Variants in SVIL observed in about 807,000 individuals in gnomAD.
SVIL encodes the protein supervillin, also known as archvillin.
SVIL carries 101 observed loss-of-function variants against 240.4 expected under a neutral mutation model. That is an observed-to-expected ratio of 0.42 (90% CI 0.36 to 0.50). SVIL has a LOEUF of 0.50. Ranked by LOEUF, SVIL falls within the 20% of genes least tolerant of loss-of-function variation. The probability of loss-of-function intolerance (pLI) is 0.01; values close to 1 mark genes in which losing one functional copy is unlikely to be tolerated. For missense variants in SVIL, 2,512 were observed against 2,818.7 expected (o/e 0.89, Z 2.46); for synonymous variants, 999 against 1,100.0 (o/e 0.91, Z 1.82).
At chr10:29,696,458 G>T (rs1386982953) in intron 1 of SVIL, among the ~76,000 whole-genome samples, 2 of 150,986 alleles carry the variant, frequency 1.3e-5, no homozygotes, top group African/African-American at 2.4e-5. Flanking sequence ...GCCCAGTCTG[G>T]AAAGTGAGGA....
chr10:29,560,758 C>A (rs564860313), intron 3 of SVIL, among the ~76,000 whole-genome samples: 1 of 151,762 alleles, frequency 6.6e-6, no homozygotes, highest in Admixed American at 6.6e-5. Context: ...TCCAAATCTG[C>A]CTATTTTTTT....
intron 29 of SVIL, among the ~76,000 whole-genome samples, chr10:29,474,720 T>C (rs1946001404): frequency 6.6e-6 from 1 of 152,160 alleles, no homozygotes; most frequent in African/African-American, 2.4e-5. Context: ...CACCACTCTT[T>C]GGCAAAAGAA....
At chr10:29,545,906 T>C (rs1337321551) in intron 6 of SVIL, among the ~76,000 whole-genome samples, 4 of 112,724 alleles carry the variant, frequency 3.5e-5, no homozygotes, top group Non-Finnish European at 5.7e-5. Flanking sequence ...AGAAAGAAAA[T>C]GAGGTCTACC....
intron 17 of SVIL, among the ~76,000 whole-genome samples, chr10:29,509,341 G>GAGAGAA (rs1187228819): frequency 1.0e-4 from 7 of 67,164 alleles, no homozygotes; most frequent in Non-Finnish European, 3.3e-5. Flanking sequence ...GAGAGAGAGA[G>GAGAGAA]AGAGAGAGAG....
chr10:29,645,809 C>T (rs1459572543), intron 3 of SVIL, among the ~76,000 whole-genome samples: 2 of 152,170 alleles, frequency 1.3e-5, no homozygotes, highest in African/African-American at 4.8e-5. Flanking sequence ...TTAGCAAGTA[C>T]AAGTAATTCC....
chr10:29,551,191 T>C lies in SVIL; in HGVS notation c.233A>G (p.Glu78Gly). Residue 78 changes from glutamate to glycine, a missense_variant, in exon 6 of 38, where the codon GAA (glutamate) becomes GGA (glycine). This residue lies in a region of SVIL where 1,443 missense variants were observed against 1,486.6 expected (regional missense o/e 0.97). Transcript: ENST00000355867. ...EKQTRSKYCT[E>G]TSGVHGDSPY... is the part of the protein sequence containing the mutation. The stretch of plus-strand genomic sequence containing the variant: ...TGAGTCACCGTGGACACCGGAGGTT[T>C]CTGTGCAGTATTTGGATCGAGTTTG... 6.2e-7 allele frequency: 1 copy of C among 1,613,838 alleles called. No homozygotes were observed. The highest frequency in any genetic ancestry group is 8.5e-7 in the Non-Finnish European group (1 of 1,179,960).
At chr10:29,550,555 T>C in intron 6 of SVIL, 42 bp downstream of exon 6, 2 of 1,520,222 alleles carry the variant, frequency 1.3e-6, no homozygotes, top group Non-Finnish European at 1.8e-6. Flanking sequence ...AAAGAAGGTA[T>C]TGTCCTGCGT....
At chr10:29,477,018 A>G (rs539231630) in intron 29 of SVIL, among the ~76,000 whole-genome samples, 3 of 152,160 alleles carry the variant, frequency 2.0e-5, no homozygotes, top group East Asian at 3.9e-4. Context: ...GCCCGCCACT[A>G]TGCCCAGCTA....
chr10:29,508,604 C>T (rs868180365), intron 17 of SVIL: 2 of 354,686 alleles, frequency 5.6e-6, no homozygotes, highest in African/African-American at 2.1e-5. Flanking sequence ...CCTTTCTCTC[C>T]CTCCCATCCT....
intron 3 of SVIL, among the ~76,000 whole-genome samples, chr10:29,656,456 G>C (rs932887240): frequency 6.6e-6 from 1 of 150,830 alleles, no homozygotes; most frequent in African/African-American, 2.4e-5. Context: ...GTCCCATATA[G>C]CTTTTTTTTT....
At chr10:29,467,712 C>A (rs1198018339) in intron 33 of SVIL, 30 bp downstream of exon 33, 2 of 1,612,698 alleles carry the variant, frequency 1.2e-6, no homozygotes, top group Non-Finnish European at 1.7e-6. Context: ...AACAAAAAAA[C>A]CAGATCGCAG....
intron 17 of SVIL, among the ~76,000 whole-genome samples, chr10:29,502,202 T>C (rs1056316094): frequency 2.0e-5 from 3 of 152,240 alleles, no homozygotes; most frequent in Non-Finnish European, 4.4e-5. Context: ...TTAACTTTGC[T>C]ACTTAGTAGG....
At chr10:29,684,670 C>T (rs1009820679) in intron 2 of SVIL, among the ~76,000 whole-genome samples, 7 of 152,040 alleles carry the variant, frequency 4.6e-5, no homozygotes, top group Non-Finnish European at 5.9e-5. Context: ...CTATGCAGAC[C>T]GTTAAAAGGT....
intron 1 of SVIL, among the ~76,000 whole-genome samples, chr10:29,691,108 C>T (rs1961461334): frequency 6.6e-6 from 1 of 151,632 alleles, no homozygotes; most frequent in African/African-American, 2.4e-5. Context: ...CTGCAATGTT[C>T]TATAGTAGAA....
chr10:29,620,739 C>T (rs1957599943), intron 1 of SVIL, among the ~76,000 whole-genome samples: 1 of 152,178 alleles, frequency 6.6e-6, no homozygotes, highest in African/African-American at 2.4e-5. Context: ...CTGCCTCAGC[C>T]TCCTGAGTAG....
At position 29,473,888 on chromosome 10, in the gene SVIL, CCTT is replaced by C; in HGVS notation, c.5476_5478del (p.Lys1826del). ...TCCACCGTCATCAGCGCCGACGTGC[CCTT>C]CTCACTCACGGTGGAGTGCCGGCCT... On this transcript the variant is annotated inframe_deletion, in exon 30 of 38. Coordinates refer to ENST00000355867, the MANE Select transcript of SVIL (RefSeq NM_021738.3). The C allele has an allele frequency of 6.2e-7, 1 of 1,614,058 alleles. No individual in the cohort carries two copies. The highest frequency in any genetic ancestry group is 8.5e-7 in the Non-Finnish European group (1 of 1,180,018).
intron 32 of SVIL, 25 bp downstream of exon 32, chr10:29,470,251 G>C (rs745540273): frequency 1.2e-6 from 2 of 1,611,594 alleles, no homozygotes; most frequent in African/African-American, 2.7e-5. Flanking sequence ...TGTGTGGGGG[G>C]ACTCGCCGCA....
At chr10:29,547,497 A>C (rs1952798180) in intron 6 of SVIL, among the ~76,000 whole-genome samples, 1 of 152,190 alleles carries the variant, frequency 6.6e-6, no homozygotes, top group African/African-American at 2.4e-5. Flanking sequence ...GGCTTGGCTT[A>C]TGAAAACTTC....
At chr10:29,672,444 A>G (rs111276667) in intron 2 of SVIL, among the ~76,000 whole-genome samples, 4,108 of 152,262 alleles carry the variant, frequency 0.027, 188 homozygotes, top group African/African-American at 0.094. Context: ...GCTGTGCTTC[A>G]GCCTGGGCGA....
Sources: gnomAD v4.1 joint callset for allele counts (sites outside exome capture counted in the v4.1 genomes callset) on GRCh38, gnomAD v4.1.1 for gene constraint, gnomAD v4.1.1 regional missense constraint, MANE v1.5 for transcripts, NCBI Gene and HGNC (gene_info 2026-07-23, HGNC 2026-07-21) for gene names.